TAOK1: variants seen among roughly 807,000 people sequenced by gnomAD.
The protein encoded by TAOK1 is serine/threonine-protein kinase TAO1.
Under a neutral mutation model 138.3 loss-of-function variants are expected in TAOK1, and 21 were observed. The observed-to-expected ratio is 0.15, with a 90% CI of 0.11 to 0.22. TAOK1 has a LOEUF of 0.22. Among genes scored for constraint, TAOK1 ranks in the 10% least tolerant of loss-of-function variants. The pLI, the probability that TAOK1 is intolerant of heterozygous loss-of-function variation, is 1.00. For missense variants in TAOK1, 651 were observed against 1,227.7 expected (o/e 0.53, Z 7.02); for synonymous variants, 361 against 398.4 (o/e 0.91, Z 1.12).
intron 1 of TAOK1, among the ~76,000 whole-genome samples, chr17:29,430,248 C>G (rs1388631873): frequency 2.0e-5 from 3 of 152,164 alleles, no homozygotes; most frequent in African/African-American, 7.2e-5. Flanking sequence ...AGGAGCGGCT[C>G]AAGGAGCCCA....
intron 1 of TAOK1, chr17:29,403,729 G>A (rs1381009447): frequency 6.6e-6 from 1 of 152,170 alleles, no homozygotes; most frequent in Non-Finnish European, 1.5e-5. Context: ...TTTTCAGACA[G>A]GGTCTTGCTC....
chr17:29,465,864 T>TTTTTTTTTTTTTC (rs397828344), intron 2 of TAOK1, among the ~76,000 whole-genome samples: 1 of 131,858 alleles, frequency 7.6e-6, no homozygotes, highest in East Asian at 2.2e-4. Flanking sequence ...TTTTTTTTTT[T>TTTTTTTTTTTTTC]CAGATTTTCC....
chr17:29,434,711 A>G (rs1193460676), intron 1 of TAOK1, among the ~76,000 whole-genome samples: 1 of 152,156 alleles, frequency 6.6e-6, no homozygotes, highest in Non-Finnish European at 1.5e-5. Context: ...GCCTTTATCC[A>G]TGAAACAGGA....
chr17:29,404,872 TTTTATTAGATTCAAGTTAGGTGGAA>T (rs1904950833), intron 1 of TAOK1, among the ~76,000 whole-genome samples: 2 of 152,220 alleles, frequency 1.3e-5, no homozygotes, highest in Admixed American at 1.3e-4. Context: ...TTAACATAAA[TTTTATTAGATTCAAGTTAGGTGGAA>T]TGATAGCCAA....
At position 29,548,320 on chromosome 17, in the gene TAOK1, G is replaced by T. The variant is rs970262860; in HGVS notation, c.*5298G>T. The T allele has an allele frequency of 6.6e-6, 1 of 152,024 alleles. No individual in the cohort carries two copies. Among genetic ancestry groups the T allele is most frequent in the African/African-American group, 2.4e-5 (1 of 41,418 alleles). The allele number at this position is 152,024 out of a possible 1,614,324, so 9.4% of individuals were successfully genotyped here. On this transcript the variant is annotated 3_prime_UTR_variant, in exon 20 of 20. Coordinates refer to ENST00000261716, the MANE Select transcript of TAOK1 (RefSeq NM_020791.4). Reference sequence around the variant, plus strand: ...ATCCTTTAAAGAAAATAAAGGCAGAGAATTAAAACTGGGGAGCCATTTACT... The same window carrying T: ...ATCCTTTAAAGAAAATAAAGGCAGATAATTAAAACTGGGGAGCCATTTACT...
intron 19 of TAOK1, among the ~76,000 whole-genome samples, chr17:29,538,906 T>C (rs891511068): frequency 1.3e-5 from 2 of 152,190 alleles, no homozygotes; most frequent in Admixed American, 1.3e-4. Context: ...CTCATTTAAT[T>C]TTCTCTCAAG....
intron 1 of TAOK1, among the ~76,000 whole-genome samples, chr17:29,395,234 A>C (rs1409391942): frequency 6.6e-6 from 1 of 152,102 alleles, no homozygotes; most frequent in African/African-American, 2.4e-5. Context: ...ACAGAGTGAG[A>C]CTGTCTAAAA....
At chr17:29,404,674 C>T (rs1904944181) in intron 1 of TAOK1, among the ~76,000 whole-genome samples, 1 of 152,008 alleles carries the variant, frequency 6.6e-6, no homozygotes, top group African/African-American at 2.4e-5. Flanking sequence ...CCTGTGGTCC[C>T]AGCTACTCAG....
At chr17:29,409,684 C>T (rs952661167) in intron 1 of TAOK1, among the ~76,000 whole-genome samples, 1 of 152,096 alleles carries the variant, frequency 6.6e-6, no homozygotes, top group Non-Finnish European at 1.5e-5. Flanking sequence ...AAATTAGAAA[C>T]TTTGGGATTA....
intron 15 of TAOK1, among the ~76,000 whole-genome samples, chr17:29,517,128 G>C (rs535461876): frequency 6.6e-6 from 1 of 151,788 alleles, no homozygotes; most frequent in Non-Finnish European, 1.5e-5. Flanking sequence ...CTGGGACTAC[G>C]GGCACCCGCC....
At chr17:29,427,385 A>G (rs191516037) in intron 1 of TAOK1, among the ~76,000 whole-genome samples, 8 of 152,004 alleles carry the variant, frequency 5.3e-5, no homozygotes, top group Admixed American at 3.9e-4. Flanking sequence ...ACTTGAGGTC[A>G]GGAGTTTCAG....
chr17:29,399,636 A>C (rs1424538763), intron 1 of TAOK1, among the ~76,000 whole-genome samples: 1 of 152,172 alleles, frequency 6.6e-6, no homozygotes, highest in African/African-American at 2.4e-5. Context: ...ATATATCTGG[A>C]GTCTGACATA....
In TAOK1 at chr17:29,502,571, T is replaced by G; in HGVS notation, c.1204-18T>G. The G allele has an allele frequency of 3.2e-6, 1 of 310,730 alleles. No homozygotes were observed. 19.2% of individuals were successfully genotyped at this position (310,730 alleles called of 1,614,324 possible). A position where few individuals can be genotyped will look rare whatever the true frequency, so the allele number is the denominator to read the frequency against. On this transcript the variant is annotated intron_variant, in intron 12 of 19. Coordinates refer to ENST00000261716, the MANE Select transcript of TAOK1 (RefSeq NM_020791.4). ...ACTGTTCACCTTACATAATATTGTCTTTTTTTTTTTTTCCTAGGAGGAAGA... is the reference window on the plus strand; with the variant it reads ...ACTGTTCACCTTACATAATATTGTCGTTTTTTTTTTTTCCTAGGAGGAAGA...
At chr17:29,408,189 T>C (rs1219755351) in intron 1 of TAOK1, among the ~76,000 whole-genome samples, 1 of 151,770 alleles carries the variant, frequency 6.6e-6, no homozygotes, top group Non-Finnish European at 1.5e-5. Flanking sequence ...AGTGGTGGTA[T>C]TACAGGTGTG....
rs1323978653 is a variant in TAOK1 at position 29,544,370 on chromosome 17, C to CT, written c.*1350dup. ...TTTACAAACTTCTAGTTCGTTGAGA[C>CT]TTAGTGACCATTTGGCATCAAGTTA... is the stretch of plus-strand genomic sequence containing the variant. On this transcript the variant is annotated 3_prime_UTR_variant, in exon 20 of 20. Coordinates refer to ENST00000261716, the MANE Select transcript of TAOK1 (RefSeq NM_020791.4). 1 of 152,470 alleles carries CT rather than the reference C, an allele frequency of 6.6e-6. No homozygotes were observed. The highest frequency in any genetic ancestry group is 1.5e-5 in the Non-Finnish European group (1 of 68,018). 9.4% of individuals were successfully genotyped at this position (152,470 alleles called of 1,614,324 possible).
At chr17:29,517,212 T>A (rs2031834388) in intron 15 of TAOK1, among the ~76,000 whole-genome samples, 1 of 151,908 alleles carries the variant, frequency 6.6e-6, no homozygotes. Context: ...ATGGTCTCGA[T>A]CTCCTGACCT....
chr17:29,421,329 A>G (rs2153021798), intron 1 of TAOK1, among the ~76,000 whole-genome samples: 1 of 152,354 alleles, frequency 6.6e-6, no homozygotes, highest in South Asian at 2.1e-4. Flanking sequence ...ATAAACTGCC[A>G]GCATCTATTT....
At chr17:29,422,884 G>C (rs1298951793) in intron 1 of TAOK1, among the ~76,000 whole-genome samples, 8 of 152,222 alleles carry the variant, frequency 5.3e-5, no homozygotes, top group African/African-American at 1.9e-4. Context: ...AATTAACCGG[G>C]CGTGGTGGCA....
chr17:29,513,067 C>CG (rs1491132741), intron 15 of TAOK1: 2 of 116,466 alleles, frequency 1.7e-5, no homozygotes, highest in East Asian at 7.0e-4. Flanking sequence ...ACCCCCCCCC[C>CG]CGTCTTATAG....
Sources: gnomAD v4.1 joint callset for allele counts (sites outside exome capture counted in the v4.1 genomes callset) on GRCh38, gnomAD v4.1.1 for gene constraint, MANE v1.5 for transcripts, NCBI Gene and HGNC (gene_info 2026-07-23, HGNC 2026-07-21) for gene names.